The following METTL15 variants were observed in gnomAD, a reference collection of about 807,000 sequenced individuals.
The protein encoded by METTL15 is 12S rRNA N(4)-cytidine methyltransferase METTL15.
A neutral mutation model predicts 38.3 loss-of-function variants in METTL15; 34 were observed. That is an observed-to-expected ratio of 0.89 (90% CI 0.68 to 1.18). The LOEUF is 1.18. Ranked by LOEUF, METTL15 falls within the 50% of genes most tolerant of loss-of-function variation. The pLI is 0.00. For missense variants in METTL15, 438 were observed against 498.4 expected (o/e 0.88, Z 1.15); for synonymous variants, 162 against 170.9 (o/e 0.95, Z 0.41).
chr11:28,201,680 A>G (rs564294603), intron 3 of METTL15, among the ~76,000 whole-genome samples: 3 of 146,774 alleles, frequency 2.0e-5, no homozygotes, highest in South Asian at 2.2e-4. Flanking sequence ...AGAGGTGTTT[A>G]TAGTATTTTC....
chr11:28,264,756 C>T (rs891377922), intron 4 of METTL15, among the ~76,000 whole-genome samples: 1 of 152,030 alleles, frequency 6.6e-6, no homozygotes, highest in African/African-American at 2.4e-5. Context: ...TTGGTTCTTC[C>T]ACAAATTAAC....
intron 5 of METTL15, among the ~76,000 whole-genome samples, chr11:28,403,772 T>A (rs1215133547): frequency 1.3e-5 from 2 of 152,138 alleles, no homozygotes; most frequent in East Asian, 3.9e-4. Flanking sequence ...TGTCATTTTT[T>A]GCCAATAATG....
At chr11:28,405,635 A>T (rs992707851) in intron 5 of METTL15, among the ~76,000 whole-genome samples, 2 of 152,154 alleles carry the variant, frequency 1.3e-5, no homozygotes, top group African/African-American at 4.8e-5. Flanking sequence ...ATGTAATAGC[A>T]ACAAATTCTG....
Position 28,204,197 on chromosome 11 carries a change from T to C in METTL15, c.271-6865T>C, listed in dbSNP as rs187163148. On this transcript the variant is annotated intron_variant, in intron 3 of 6. Coordinates refer to ENST00000407364, the MANE Select transcript of METTL15 (RefSeq NM_001113528.2). ...GGATTGTAGAAATCAAGAATCATTT[T>C]CCTCAAATGCTGGTTTGTATATTTT... Among the ~76,000 whole-genome samples, 42 of 152,178 alleles carry C rather than the reference T, an allele frequency of 2.8e-4. No individual in the cohort carries two copies. The East Asian group carries it at 7.7e-3, about 28-fold the overall frequency.
chr11:28,180,355 T>TTA (rs1851238131), intron 3 of METTL15, among the ~76,000 whole-genome samples: 1 of 151,888 alleles, frequency 6.6e-6, no homozygotes, highest in African/African-American at 2.4e-5. Context: ...GAATTAAAAA[T>TTA]AATCTGGCCA....
At chr11:28,510,373 C>A (rs186685712) in intron 6 of METTL15, among the ~76,000 whole-genome samples, 3 of 151,992 alleles carry the variant, frequency 2.0e-5, no homozygotes, top group African/African-American at 7.3e-5. Flanking sequence ...GGAAAATAGA[C>A]CTTTATCTAA....
At chr11:28,388,141 A>T (rs79471241) in intron 5 of METTL15, among the ~76,000 whole-genome samples, 1 of 152,208 alleles carries the variant, frequency 6.6e-6, no homozygotes, top group African/African-American at 2.4e-5. Context: ...TTTTTCTCTA[A>T]GATCAGGTAT....
At chr11:28,470,891 TA>T (rs1851297921) in intron 6 of METTL15, among the ~76,000 whole-genome samples, 2 of 152,140 alleles carry the variant, frequency 1.3e-5, no homozygotes, top group South Asian at 4.1e-4. Flanking sequence ...CATTTTAAGA[TA>T]ATTTCTTCTT....
Position 28,218,624 on chromosome 11 carries a change from C to T in METTL15, c.407+7426C>T, listed in dbSNP as rs182138225. 7.9e-5 allele frequency among the ~76,000 whole-genome samples: 12 copies of T among 152,180 alleles called. No individual in the cohort carries two copies. In the East Asian group the frequency reaches 1.7e-3, roughly 22 times the overall value. The stretch of plus-strand genomic sequence containing the variant: ...AATAGGAGTAGTGAGAGAGGGCGTC[C>T]GTGTCTTGTGCCAGTTTTCAAAGGG... On this transcript the variant is annotated intron_variant, in intron 4 of 6. Coordinates refer to ENST00000407364, the MANE Select transcript of METTL15 (RefSeq NM_001113528.2).
chr11:28,414,899 T>C (rs1200369918), intron 5 of METTL15, among the ~76,000 whole-genome samples: 2 of 152,158 alleles, frequency 1.3e-5, no homozygotes, highest in African/African-American at 2.4e-5. Context: ...CCGAAAAATA[T>C]GATGAAAAGA....
At chr11:28,431,918 T>C (rs192658993) in intron 6 of METTL15, among the ~76,000 whole-genome samples, 63 of 152,054 alleles carry the variant, frequency 4.1e-4, no homozygotes, top group African/African-American at 1.5e-3. Flanking sequence ...TAACAGCTAA[T>C]TGGACAACAA....
intron 5 of METTL15, among the ~76,000 whole-genome samples, chr11:28,366,848 C>G (rs1850190882): frequency 6.6e-6 from 1 of 152,118 alleles, no homozygotes; most frequent in Admixed American, 6.5e-5. Flanking sequence ...CCCAGAGACC[C>G]TGACAACAAT....
At chr11:28,137,889 T>C (rs1427433492) in intron 3 of METTL15, among the ~76,000 whole-genome samples, 1 of 152,104 alleles carries the variant, frequency 6.6e-6, no homozygotes, top group African/African-American at 2.4e-5. Flanking sequence ...ATAACACATG[T>C]ATGATTATAC....
At chr11:28,466,683 C>T (rs1050574827) in intron 6 of METTL15, among the ~76,000 whole-genome samples, 2 of 152,196 alleles carry the variant, frequency 1.3e-5, no homozygotes, top group Non-Finnish European at 1.5e-5. Context: ...TACATATTTA[C>T]AGCAACTCCA....
chr11:28,273,323 T>C (rs147398932), intron 4 of METTL15, among the ~76,000 whole-genome samples: 4,844 of 152,276 alleles, frequency 0.032, 95 homozygotes, highest in Non-Finnish European at 0.048. Flanking sequence ...GATTATGTAA[T>C]GGTATTCATA....
chr11:28,388,288 T>C (rs1232316354), intron 5 of METTL15, among the ~76,000 whole-genome samples: 1 of 152,098 alleles, frequency 6.6e-6, no homozygotes, highest in African/African-American at 2.4e-5. Context: ...TTACAAATGA[T>C]ATAATCTTAT....
intron 4 of METTL15, among the ~76,000 whole-genome samples, chr11:28,355,504 G>A (rs563062347): frequency 9.2e-5 from 14 of 152,110 alleles, no homozygotes; most frequent in Admixed American, 4.6e-4. Context: ...ACAATTGGCC[G>A]TGCGTATCCA....
chr11:28,156,420 T>C (rs1850266028), intron 3 of METTL15, among the ~76,000 whole-genome samples: 1 of 152,188 alleles, frequency 6.6e-6, no homozygotes, highest in Non-Finnish European at 1.5e-5. Flanking sequence ...AAAGTGTATA[T>C]TTAGTTCAAA....
Position 28,346,787 on chromosome 11 carries a change from C to T in METTL15, c.*190-5303C>T, listed in dbSNP as rs560528229. On this transcript the variant is annotated intron_variant and NMD_transcript_variant, in intron 3 of 7. Coordinates refer to the METTL15 transcript ENST00000532947. ...TATAGTTACTAACCAGCATGTGTTT[C>T]GTGTACAACAACTTGTGTTCCATAA... Among the ~76,000 whole-genome samples the T allele has an allele frequency of 2.2e-4, 33 of 152,222 alleles. 1 individual carries two copies. The highest frequency in any genetic ancestry group is 5.8e-4 in the African/African-American group (24 of 41,536).
Sources: gnomAD v4.1 joint callset for allele counts (sites outside exome capture counted in the v4.1 genomes callset) on GRCh38, gnomAD v4.1.1 for gene constraint, MANE v1.5 for transcripts, NCBI Gene and HGNC (gene_info 2026-07-23, HGNC 2026-07-21) for gene names.